The following EP400 variants were observed in gnomAD, a reference collection of about 807,000 sequenced individuals.
EP400 encodes E1A-binding protein p400.
EP400 carries 105 observed loss-of-function variants against 354.1 expected under a neutral mutation model. The observed-to-expected ratio is 0.30, with a 90% CI of 0.25 to 0.35. The LOEUF is 0.35. Among genes scored for constraint, EP400 ranks in the 10% least tolerant of loss-of-function variants. The pLI, the probability that EP400 is intolerant of heterozygous loss-of-function variation, is 1.00. For synonymous variants in EP400, 1,646 were observed against 1,716.9 expected (o/e 0.96, Z 1.02); for missense variants, 3,280 against 4,121.0 (o/e 0.80, Z 5.59).
chr12:132,033,259 G>C (rs574416975), intron 30 of EP400, among the ~76,000 whole-genome samples: 2 of 152,208 alleles, frequency 1.3e-5, no homozygotes, highest in Admixed American at 1.3e-4. Flanking sequence ...ATTATTATCT[G>C]TAAAGATAAA....
chr12:131,990,727 A>G lies in EP400; in HGVS notation c.2629+13A>G, dbSNP rs1566176129. 1.3e-6 allele frequency: 2 copies of G among 1,576,922 alleles called. No individual in the cohort carries two copies. The highest frequency in any genetic ancestry group is 1.7e-6 in the Non-Finnish European group (2 of 1,156,318). Reference sequence around the variant, plus strand: ...GTTTCCAGGAGAGGTAGGACCCTTTAAAAAAAGGCTCACCACGCTTGGGTG... The same window carrying G: ...GTTTCCAGGAGAGGTAGGACCCTTTGAAAAAAGGCTCACCACGCTTGGGTG... On this transcript the variant is annotated intron_variant, in intron 9 of 52. Coordinates refer to ENST00000389561, the MANE Select transcript of EP400 (RefSeq NM_015409.5). The surrounding 1 kb of genome is among the most constrained non-coding windows in gnomAD (Gnocchi z 4.2).
chr12:132,006,786 G>A lies in EP400; in HGVS notation c.3213G>A (p.Arg1071=). The A allele has an allele frequency of 1.9e-6, 3 of 1,614,154 alleles. No homozygotes were observed. Among genetic ancestry groups the A allele is most frequent in the Non-Finnish European group, 2.5e-6 (3 of 1,180,022 alleles). Residue 1071 remains arginine (R), a synonymous_variant, in exon 15 of 53, where the codon AGG becomes AGA. Coordinates refer to ENST00000389561, the MANE Select transcript of EP400 (RefSeq NM_015409.5). The part of the protein sequence containing the change: ...IGLDWLAKLY[R]KNLNGILADE... ...TGGACTGGCTGGCCAAACTTTACAG[G>A]AAGAATCTCAATGGCATATTGGCAG...
rs1195965212 is a variant in EP400 at position 132,062,227 on chromosome 12, C to T, written c.8002C>T (p.Arg2668Ter). The change falls in exon 46 of 53, where the codon CGA becomes TGA. Residue 2668 changes from arginine (R) to a stop codon, truncating the protein, a stop_gained. Coordinates refer to ENST00000389561, the MANE Select transcript of EP400 (RefSeq NM_015409.5). LOFTEE classifies it high-confidence loss of function. ...GTCCATGGCAACGACTCAGGGTGTT[C>T]GAGCGGTCACTTCTGTGACAGCCTC... ...LVSMATTQGVRAVTSVTASAV... is the reference protein window; with the variant it reads ...LVSMATTQGV 3.1e-6 allele frequency: 5 copies of T among 1,614,086 alleles called. No individual in the cohort carries two copies. Among genetic ancestry groups the T allele is most frequent in the Admixed American group, 1.7e-5 (1 of 60,008 alleles).
intron 30 of EP400, among the ~76,000 whole-genome samples, chr12:132,033,950 G>T (rs1894609673): frequency 6.6e-6 from 1 of 152,188 alleles, no homozygotes; most frequent in Non-Finnish European, 1.5e-5. Context: ...GGGAAAAAAG[G>T]AGAGCCTGTA....
chr12:131,992,090 C>G, intron 10 of EP400, 83 bp from the exon 11 acceptor site: 4 of 1,490,302 alleles, frequency 2.7e-6, no homozygotes, highest in Non-Finnish European at 3.7e-6. Flanking sequence ...CTCCCCCAAC[C>G]TGTCCCATGG....
chr12:132,013,509 A>G lies in EP400; in HGVS notation c.3631A>G (p.Ile1211Val). The part of the protein sequence containing the change: ...TLQSQQRLLL[I>V]DSPLHNTFLE... Reference sequence around the variant, plus strand: ...TTGCAGCCAACAACGTCTGCTTCTGATCGACTCGCCGCTGCACAATACCTT... The same window carrying G: ...TTGCAGCCAACAACGTCTGCTTCTGGTCGACTCGCCGCTGCACAATACCTT... Residue 1211 changes from isoleucine to valine, a missense_variant, in exon 18 of 53, where the codon ATC becomes GTC. By Grantham distance (29) the Ile-to-Val change is conservative. This residue lies in a region of EP400 where 242 missense variants were observed against 357.9 expected (regional missense o/e 0.68). Transcript: ENST00000389561. This position sits in a 1 kb window ranked among gnomAD's most constrained non-coding sequence, Gnocchi z 4.5. 2 of 1,577,292 alleles carry G rather than the reference A, an allele frequency of 1.3e-6. No homozygotes were observed.
At chr12:131,991,881 C>T (rs1893048040) in intron 10 of EP400, among the ~76,000 whole-genome samples, 1 of 152,192 alleles carries the variant, frequency 6.6e-6, no homozygotes. Context: ...GCTACCGTGC[C>T]CCGCCTATTA....
intron 45 of EP400, among the ~76,000 whole-genome samples, chr12:132,056,003 C>A (rs773043970): frequency 2.3e-4 from 35 of 151,756 alleles, no homozygotes; most frequent in Non-Finnish European, 4.0e-4. Flanking sequence ...GAGGAGCGGG[C>A]AGTTTCTACG....
intron 51 of EP400, among the ~76,000 whole-genome samples, chr12:132,074,328 C>T (rs140046647): frequency 0.015 from 2,242 of 152,252 alleles, 61 homozygotes; most frequent in African/African-American, 0.051. Flanking sequence ...CTTCCAGGGT[C>T]ACCTGTCTCT....
chr12:132,013,075 A>G lies in EP400; in HGVS notation c.3508A>G (p.Thr1170Ala), dbSNP rs1893816129. 1 of 1,613,954 alleles carries G rather than the reference A, an allele frequency of 6.2e-7. No homozygotes were observed. Among genetic ancestry groups the G allele is most frequent in the Admixed American group, 1.7e-5 (1 of 60,002 alleles). Reference sequence around the variant, plus strand: ...CTACACTCAGTTCTTCCGGGGCCTCACCGCCTTCACACGAGTGCGCTGGAA... The same window carrying G: ...CTACACTCAGTTCTTCCGGGGCCTCGCCGCCTTCACACGAGTGCGCTGGAA... ...TSYTQFFRGL[T>A]AFTRVRWKCL... Residue 1170 changes from threonine to alanine, a missense_variant, in exon 17 of 53, where the codon ACC becomes GCC. Thr to Ala is a moderately conservative substitution (Grantham distance 58, BLOSUM62 0). Around this residue, in one of 20 missense-constraint regions of EP400, gnomAD observed 242 missense variants for 357.9 expected, o/e 0.68. Transcript: ENST00000389561. The surrounding 1 kb of genome is among the most constrained non-coding windows in gnomAD (Gnocchi z 4.5).
chr12:131,988,143 A>C (rs1047852342), intron 7 of EP400, among the ~76,000 whole-genome samples: 4 of 151,698 alleles, frequency 2.6e-5, no homozygotes, highest in Non-Finnish European at 1.5e-5. Flanking sequence ...GAGTGCTGGG[A>C]TTGCAGGCGT....
intron 12 of EP400, among the ~76,000 whole-genome samples, chr12:131,997,587 G>A (rs139382961): frequency 6.6e-5 from 10 of 152,188 alleles, no homozygotes; most frequent in East Asian, 1.9e-4. Context: ...TTAATATTAC[G>A]TACTGTATTC....
intron 1 of EP400, among the ~76,000 whole-genome samples, chr12:131,957,366 C>A (rs935680106): frequency 6.6e-6 from 1 of 151,220 alleles, no homozygotes; most frequent in Non-Finnish European, 1.5e-5. Context: ...TCAAATCTTT[C>A]TATTTTTTCA....
At position 132,054,007 on chromosome 12, in the gene EP400, C is replaced by G. The variant is rs1392786966; in HGVS notation, c.7728+410C>G. Among the ~76,000 whole-genome samples, 4 of 152,220 alleles carry G rather than the reference C, an allele frequency of 2.6e-5. No individual in the cohort carries two copies. The highest frequency in any genetic ancestry group is 9.6e-5 in the African/African-American group (4 of 41,460). The stretch of plus-strand genomic sequence containing the variant: ...CAAAGCATGCCCATGTGTGCTCCCC[C>G]ACACAGGTCAGTCTTTAATGCCTGT... On this transcript the variant is annotated intron_variant, in intron 43 of 52. Transcript: ENST00000389561. This position sits in a 1 kb window ranked among gnomAD's most constrained non-coding sequence, Gnocchi z 4.0.
In EP400 at chr12:132,018,384, C is replaced by T. The variant is rs564668063; in HGVS notation, c.4277+8C>T. ...AAAGCTGAAGGCCAGCAGGTGCGTG[C>T]GACCCAGAGGCAGCGGGGAGGGTTG... is the stretch of plus-strand genomic sequence containing the variant. On this transcript the variant is annotated splice_region_variant and intron_variant, in intron 21 of 52. Transcript: ENST00000389561. This position sits in a 1 kb window ranked among gnomAD's most constrained non-coding sequence, Gnocchi z 4.0. The T allele has an allele frequency of 9.4e-6, 15 of 1,596,504 alleles. No individual in the cohort carries two copies. Among genetic ancestry groups the T allele is most frequent in the Middle Eastern group, 1.7e-4 (1 of 5,914 alleles).
rs746451336 is a variant in EP400, at chr12:132,028,217, C to T, written c.5310C>T (p.Ser1770=). The change falls in exon 27 of 53, where the codon TCC becomes TCT. Residue 1770 remains serine (S), a synonymous_variant. Transcript: ENST00000389561. The stretch of plus-strand genomic sequence containing the variant: ...GGCCAGCGCACAGTTACACTTCATC[C>T]TCAGAAAGTCCAAGTGAGCTGATGT... ...EAGPAHSYTS[S]SESPSELMLT... is the part of the protein sequence containing the mutation. 2 of 1,614,208 alleles carry T rather than the reference C, an allele frequency of 1.2e-6. No individual in the cohort carries two copies. Among genetic ancestry groups the T allele is most frequent in the East Asian group, 2.2e-5 (1 of 44,886 alleles).
chr12:132,064,204 C>T (rs1035812239), intron 47 of EP400, among the ~76,000 whole-genome samples: 12 of 152,182 alleles, frequency 7.9e-5, no homozygotes, highest in African/African-American at 2.9e-4. Flanking sequence ...GCTCTGTGTG[C>T]CAGCTGTTTG....
At position 132,044,317 on chromosome 12, in the gene EP400, C is replaced by T. The variant is rs769682861; in HGVS notation, c.6585+6C>T. ...GAGAGGATGCCTACAGCATGGTACC[C>T]GGCCCGGGGCCCTCCTGCCCTCTTG... On this transcript the variant is annotated splice_donor_region_variant and intron_variant, in intron 35 of 52. Transcript: ENST00000389561. 1.5e-5 allele frequency: 24 copies of T among 1,610,172 alleles called. No individual in the cohort carries two copies. The highest frequency in any genetic ancestry group is 6.7e-5 in the African/African-American group (5 of 74,866).
At position 132,013,126 on chromosome 12, in the gene EP400, C is replaced by A. The variant is rs767209917; in HGVS notation, c.3559C>A (p.Arg1187Ser). The A allele has an allele frequency of 1.9e-6, 3 of 1,614,048 alleles. No individual in the cohort carries two copies. The East Asian group carries it at 6.7e-5, about 36-fold the overall frequency. Residue 1187 changes from arginine to serine, a missense_variant, in exon 17 of 53, where the codon CGC (arginine) becomes AGC (serine). Arg to Ser is a moderately radical substitution (Grantham distance 110, BLOSUM62 -1). Around this residue, in one of 20 missense-constraint regions of EP400, gnomAD observed 242 missense variants for 357.9 expected, o/e 0.68. Transcript: ENST00000389561. The surrounding 1 kb of genome is among the most constrained non-coding windows in gnomAD (Gnocchi z 4.5). Reference sequence around the variant, plus strand: ...GTGCCTGGTCATTGATGAGATGCAGCGCGTGAAGGGCATGACCGAGAGGCA... The same window carrying A: ...GTGCCTGGTCATTGATGAGATGCAGAGCGTGAAGGGCATGACCGAGAGGCA... ...WKCLVIDEMQ[R>S]VKGMTERHWE...
Sources: allele counts gnomAD v4.1 joint callset (sites outside exome capture counted in the v4.1 genomes callset), GRCh38; gene constraint gnomAD v4.1.1; regional missense constraint gnomAD v4.1.1; non-coding constraint Gnocchi (gnomAD v3.1); transcripts MANE v1.5; gene names NCBI Gene and HGNC (gene_info 2026-07-23, HGNC 2026-07-21).